PRPF6: variants seen among roughly 807,000 people sequenced by gnomAD.
PRPF6 encodes the protein pre-mRNA-processing factor 6.
In PRPF6, 42 loss-of-function variants were observed where a neutral mutation model predicts 118.3. The ratio of observed to expected loss-of-function variants is 0.35; its 90% confidence interval spans 0.28 to 0.46. The LOEUF is 0.46. Ranked by LOEUF, PRPF6 falls within the 20% of genes least tolerant of loss-of-function variation. PRPF6 has a pLI of 1.00. For synonymous variants in PRPF6, 481 were observed against 485.1 expected, an observed-to-expected ratio of 0.99 and a Z score of 0.11; for missense variants, 662 against 1,255.7, an observed-to-expected ratio of 0.53 and a Z score of 7.15.
chr20:64,011,179 T>C lies in PRPF6; in HGVS notation c.1306-106T>C. ...CCATGTTCAGATGGTTCTCGAGAGC[T>C]AAGAAAGAACGTGGTGGCCAACGCT... On this transcript the variant is annotated intron_variant, in intron 10 of 20. Transcript: ENST00000266079. This position sits in a 1 kb window ranked among gnomAD's most constrained non-coding sequence, Gnocchi z 6.7. 1.0e-6 allele frequency: 1 copy of C among 986,114 alleles called. No individual in the cohort carries two copies. Among genetic ancestry groups the C allele is most frequent in the South Asian group, 1.4e-5 (1 of 73,552 alleles). 61.1% of individuals were successfully genotyped at this position (986,114 alleles called of 1,614,324 possible).
chr20:63,987,630 A>G (rs2059100541), intron 3 of PRPF6, among the ~76,000 whole-genome samples: 1 of 152,248 alleles, frequency 6.6e-6, no homozygotes, highest in South Asian at 2.1e-4. Context: ...AAATAAATAA[A>G]AGGGCATCCA....
rs2059063906 is a variant in PRPF6, at chr20:63,981,142, C to G, written c.-104C>G. 3 of 1,269,672 alleles carry G rather than the reference C, an allele frequency of 2.4e-6. No individual in the cohort carries two copies. The highest frequency in any genetic ancestry group is 1.8e-4 in the Middle Eastern group (1 of 5,448). 78.7% of individuals were successfully genotyped at this position (1,269,672 alleles called of 1,614,324 possible). A position where few individuals can be genotyped will look rare whatever the true frequency, so the allele number is the denominator to read the frequency against. ...CGCGGGTGACGCGACGACGGCGACA[C>G]TTTGCTACGGAGTGCATCGGACGTC... On this transcript the variant is annotated 5_prime_UTR_variant, in exon 1 of 21. Coordinates refer to ENST00000266079, the MANE Select transcript of PRPF6 (RefSeq NM_012469.4).
chr20:64,021,862 C>A (rs2059267240), intron 12 of PRPF6, among the ~76,000 whole-genome samples: 2 of 148,384 alleles, frequency 1.3e-5, no homozygotes, highest in African/African-American at 5.1e-5. Context: ...TGCATGTATG[C>A]ATGTGCCTCG....
At chr20:64,000,452 G>A (rs1271428509) in intron 8 of PRPF6, among the ~76,000 whole-genome samples, 5 of 53,304 alleles carry the variant, frequency 9.4e-5, no homozygotes, top group Middle Eastern at 7.5e-3. Flanking sequence ...GCGAGATTCC[G>A]TCTCAAAAAA....
chr20:64,014,511 G>A (rs2059228801), intron 11 of PRPF6, among the ~76,000 whole-genome samples: 1 of 151,908 alleles, frequency 6.6e-6, no homozygotes, highest in South Asian at 2.1e-4. Context: ...AAAAAAATTA[G>A]CCAGGCATGA....
chr20:63,988,333 AC>A (rs2059103985), intron 3 of PRPF6, among the ~76,000 whole-genome samples: 1 of 150,072 alleles, frequency 6.7e-6, no homozygotes, highest in South Asian at 2.1e-4. Flanking sequence ...AAAAAAAAAA[AC>A]CAAAAAACAA....
chr20:64,026,155 G>A lies in PRPF6; in HGVS notation c.2028+97G>A. ...GGGTGGTGATGGGAGTGAGATGACG[G>A]CAGGCAAACGAGACCACAGCACACT... On this transcript the variant is annotated intron_variant, in intron 15 of 20. Coordinates refer to ENST00000266079, the MANE Select transcript of PRPF6 (RefSeq NM_012469.4). The surrounding 1 kb of genome is among the most constrained non-coding windows in gnomAD (Gnocchi z 4.4). The A allele has an allele frequency of 6.4e-7, 1 of 1,562,570 alleles. No homozygotes were observed. The highest frequency in any genetic ancestry group is 8.6e-7 in the Non-Finnish European group (1 of 1,157,742).
chr20:64,022,977 T>G, intron 13 of PRPF6, 99 bp downstream of exon 13: 2 of 1,577,342 alleles, frequency 1.3e-6, no homozygotes, highest in South Asian at 2.3e-5. Flanking sequence ...TCATCCAGTC[T>G]TGTGCCCATT....
In PRPF6 at chr20:63,993,540, C is replaced by T. The variant is rs142917720; in HGVS notation, c.438+55C>T. On this transcript the variant is annotated intron_variant, in intron 4 of 20. Coordinates refer to ENST00000266079, the MANE Select transcript of PRPF6 (RefSeq NM_012469.4). Reference sequence around the variant, plus strand: ...GGTTTCTAACGCTCTCACCCTAACCCGCAGAGACTCAGACTGCTCTTACGT... The same window carrying T: ...GGTTTCTAACGCTCTCACCCTAACCTGCAGAGACTCAGACTGCTCTTACGT... 252 of 1,424,192 alleles carry T rather than the reference C, an allele frequency of 1.8e-4. 2 individuals carry two copies. The highest frequency in any genetic ancestry group is 1.5e-3 in the African/African-American group (104 of 70,852). The allele number at this position is 1,424,192 out of a possible 1,614,324, so 88.2% of individuals were successfully genotyped here.
In PRPF6 at chr20:63,985,910, A is replaced by G. The variant is rs115993212; in HGVS notation, c.359+885A>G. The stretch of plus-strand genomic sequence containing the variant: ...ACTTCCAAACTTATTCTACAGAACC[A>G]GTATTACCCTGATACCAAAACCAGA... On this transcript the variant is annotated intron_variant, in intron 3 of 20. Coordinates refer to ENST00000266079, the MANE Select transcript of PRPF6 (RefSeq NM_012469.4). 5.2e-3 allele frequency among the ~76,000 whole-genome samples: 795 copies of G among 152,370 alleles called. 8 individuals carry two copies. Among genetic ancestry groups the G allele is most frequent in the African/African-American group, 0.018 (767 of 41,596 alleles).
At chr20:63,993,655 TA>T (rs895878294) in intron 4 of PRPF6, among the ~76,000 whole-genome samples, 170 bp downstream of exon 4, 50 of 149,888 alleles carry the variant, frequency 3.3e-4, no homozygotes, top group Middle Eastern at 3.2e-3. Flanking sequence ...TATATGTGTG[TA>T]AAAAAAAACC....
Position 64,028,653 on chromosome 20 carries a change from G to C in PRPF6, c.2431+84G>C. 6.7e-7 allele frequency: 1 copy of C among 1,486,894 alleles called. No homozygotes were observed. Among genetic ancestry groups the C allele is most frequent in the Non-Finnish European group, 9.2e-7 (1 of 1,085,534 alleles). The allele number at this position is 1,486,894 out of a possible 1,614,324, so 92.1% of individuals were successfully genotyped here. On this transcript the variant is annotated intron_variant, in intron 18 of 20. Transcript: ENST00000266079. This position sits in a 1 kb window ranked among gnomAD's most constrained non-coding sequence, Gnocchi z 6.5. ...TGACTCCGGTAAGGGGGTGCTTCCTGGCTTCCCAGACTCCGCAGGGCTGGC... is the reference window on the plus strand; with the variant it reads ...TGACTCCGGTAAGGGGGTGCTTCCTCGCTTCCCAGACTCCGCAGGGCTGGC...
chr20:64,014,572 G>A (rs946654691), intron 11 of PRPF6, among the ~76,000 whole-genome samples: 4 of 152,088 alleles, frequency 2.6e-5, no homozygotes, highest in African/African-American at 9.7e-5. Context: ...CAGGAGAATT[G>A]CTTGAACCTG....
In PRPF6 at chr20:63,999,766, TATTTCCTGGGAGGC is replaced by T. The variant is rs377444836; in HGVS notation, c.1023+8_1023+21del. On this transcript the variant is annotated splice_region_variant and intron_variant, in intron 8 of 20. Coordinates refer to ENST00000266079, the MANE Select transcript of PRPF6 (RefSeq NM_012469.4). ...GACGGAGATGTGCCCCAAGGTGAGGTATTTCCTGGGAGGCGTTTCCTGGGAGGCTGCGTGATTGT... is the reference window on the plus strand; with the variant it reads ...GACGGAGATGTGCCCCAAGGTGAGGTGTTTCCTGGGAGGCTGCGTGATTGT... 4.7e-4 allele frequency: 759 copies of T among 1,613,904 alleles called. 1 individual carries two copies. Among genetic ancestry groups the T allele is most frequent in the African/African-American group, 4.1e-3 (309 of 75,014 alleles).
At position 63,999,771 on chromosome 20, in the gene PRPF6, C is replaced by T. The variant is rs1344694441; in HGVS notation, c.1023+12C>T. 6.2e-7 allele frequency: 1 copy of T among 1,612,072 alleles called. No homozygotes were observed. The highest frequency in any genetic ancestry group is 8.5e-7 in the Non-Finnish European group (1 of 1,179,754). On this transcript the variant is annotated intron_variant, in intron 8 of 20. Transcript: ENST00000266079. ...AGATGTGCCCCAAGGTGAGGTATTT[C>T]CTGGGAGGCGTTTCCTGGGAGGCTG...
chr20:63,996,986 T>C (rs2059143463), intron 6 of PRPF6, among the ~76,000 whole-genome samples: 1 of 152,128 alleles, frequency 6.6e-6, no homozygotes, highest in South Asian at 2.1e-4. Context: ...TAACACAGAA[T>C]TTACCATTTT....
intron 11 of PRPF6, 61 bp from the exon 12 acceptor site, chr20:64,016,662 C>T (rs1436642054): frequency 1.8e-5 from 29 of 1,603,106 alleles, no homozygotes; most frequent in African/African-American, 1.2e-4. Flanking sequence ...CCGTACTCCC[C>T]GTTGGGAATC....
chr20:64,001,495 T>G (rs568077436), intron 9 of PRPF6, among the ~76,000 whole-genome samples: 2 of 152,346 alleles, frequency 1.3e-5, no homozygotes, highest in African/African-American at 4.8e-5. Flanking sequence ...TGATCTTGGA[T>G]GCTTGGGCGG....
intron 12 of PRPF6, among the ~76,000 whole-genome samples, chr20:64,022,013 T>C (rs1303027040): frequency 1.4e-5 from 2 of 146,346 alleles, no homozygotes; most frequent in African/African-American, 2.7e-5. Context: ...TGTGTGTGTG[T>C]GTGCATGCAC....
Sources: allele counts gnomAD v4.1 joint callset (sites outside exome capture counted in the v4.1 genomes callset), GRCh38; gene constraint gnomAD v4.1.1; non-coding constraint Gnocchi (gnomAD v3.1); transcripts MANE v1.5; gene names NCBI Gene and HGNC (gene_info 2026-07-23, HGNC 2026-07-21).